CACNA2D3: variants seen among roughly 807,000 people sequenced by gnomAD.
CACNA2D3 encodes the protein calcium voltage-gated channel auxiliary subunit alpha2delta 3, also known as voltage-dependent calcium channel subunit alpha-2/delta-3.
Under a neutral mutation model 160.6 loss-of-function variants are expected in CACNA2D3, and 60 were observed. The ratio of observed to expected loss-of-function variants is 0.37; its 90% CI spans 0.30 to 0.46. The LOEUF (loss-of-function observed/expected upper bound fraction) is 0.46, where lower values mean the gene tolerates loss of function less well. CACNA2D3 is among the 20% of genes least tolerant of loss of function. CACNA2D3 has a pLI of 1.00. For missense variants in CACNA2D3, 1,205 were observed against 1,365.0 expected (o/e 0.88, Z 1.85); for synonymous variants, 558 against 492.9 (o/e 1.13, Z -1.75).
At chr3:54,464,978 G>T (rs1239966279) in intron 4 of CACNA2D3, among the ~76,000 whole-genome samples, 1 of 151,982 alleles carries the variant, frequency 6.6e-6, no homozygotes, top group Non-Finnish European at 1.5e-5. Flanking sequence ...TCCATAATGT[G>T]AACATTTGTT....
At chr3:54,575,949 G>T (rs1487984885) in intron 8 of CACNA2D3, among the ~76,000 whole-genome samples, 1 of 152,122 alleles carries the variant, frequency 6.6e-6, no homozygotes, top group Non-Finnish European at 1.5e-5. Flanking sequence ...GAGGCAAGTG[G>T]ATCCGGTGAG....
At chr3:54,217,818 A>G (rs60664455) in intron 2 of CACNA2D3, among the ~76,000 whole-genome samples, 19,175 of 151,994 alleles carry the variant, frequency 0.13, 1,714 homozygotes, top group East Asian at 0.44. Flanking sequence ...AGTTTGTGGT[A>G]GTTTGTTACA....
chr3:54,862,400 C>G (rs867619736), intron 17 of CACNA2D3, among the ~76,000 whole-genome samples: 1,660 of 151,878 alleles, frequency 0.011, 35 homozygotes, highest in African/African-American at 0.038. Flanking sequence ...CACACACACA[C>G]ACACGCACAC....
intron 27 of CACNA2D3, among the ~76,000 whole-genome samples, chr3:54,912,143 A>G (rs938239808): frequency 1.3e-5 from 2 of 152,206 alleles, no homozygotes; most frequent in Non-Finnish European, 2.9e-5. Flanking sequence ...TCCTTGCCAC[A>G]TAGGCTTCTC....
intron 2 of CACNA2D3, among the ~76,000 whole-genome samples, chr3:54,155,772 CACCAAACCTGTG>C (rs1200302369): frequency 6.6e-6 from 1 of 152,174 alleles, no homozygotes; most frequent in African/African-American, 2.4e-5. Context: ...CAGGTCCCAG[CACCAAACCTGTG>C]ACCGTGGGGC....
chr3:54,717,650 T>A (rs553098447), intron 11 of CACNA2D3, among the ~76,000 whole-genome samples: 101 of 145,368 alleles, frequency 6.9e-4, no homozygotes, highest in South Asian at 2.0e-3. Context: ...TGTGCGTGTC[T>A]GGTGCGTGTG....
intron 29 of CACNA2D3, among the ~76,000 whole-genome samples, chr3:54,982,846 T>C (rs532077613): frequency 2.0e-5 from 3 of 152,268 alleles, no homozygotes; most frequent in African/African-American, 7.2e-5. Flanking sequence ...AGTATAGCAG[T>C]GAAGACGACC....
chr3:54,886,039 C>T (rs1699917034), intron 23 of CACNA2D3, among the ~76,000 whole-genome samples: 1 of 152,130 alleles, frequency 6.6e-6, no homozygotes, highest in African/African-American at 2.4e-5. Context: ...GCTGAGTGCC[C>T]TGCCTACCAA....
chr3:54,864,911 G>A (rs554825860), intron 17 of CACNA2D3, among the ~76,000 whole-genome samples: 2 of 152,268 alleles, frequency 1.3e-5, no homozygotes, highest in African/African-American at 2.4e-5. Context: ...TGGGTGCTGC[G>A]TTTTCCCATC....
At chr3:54,461,609 A>T (rs937996072) in intron 4 of CACNA2D3, among the ~76,000 whole-genome samples, 1 of 151,526 alleles carries the variant, frequency 6.6e-6, no homozygotes, top group Non-Finnish European at 1.5e-5. Flanking sequence ...ATTTCTGTGG[A>T]ATCGGTGGTG....
At chr3:54,642,102 T>C (rs1325701101) in intron 10 of CACNA2D3, 26 bp from the exon 11 acceptor site, 1 of 1,455,542 alleles carries the variant, frequency 6.9e-7, no homozygotes, top group Admixed American at 1.8e-5. Context: ...ATATGTATAC[T>C]ATTTTGAACT....
At chr3:54,959,850 A>G (rs1196432962) in intron 27 of CACNA2D3, among the ~76,000 whole-genome samples, 1 of 152,200 alleles carries the variant, frequency 6.6e-6, no homozygotes, top group African/African-American at 2.4e-5. Flanking sequence ...TAGCTCCGGC[A>G]GCCTGGGAAA....
intron 31 of CACNA2D3, among the ~76,000 whole-genome samples, chr3:54,997,723 A>G (rs1332493429): frequency 6.6e-6 from 1 of 152,198 alleles, no homozygotes; most frequent in East Asian, 1.9e-4. Flanking sequence ...CCCCATCTCA[A>G]AAGAGAAAAG....
chr3:54,975,521 C>CAAAA (rs55819960), intron 29 of CACNA2D3, among the ~76,000 whole-genome samples: 1 of 77,776 alleles, frequency 1.3e-5, no homozygotes, highest in Non-Finnish European at 2.7e-5. Context: ...ACTTGGTCTC[C>CAAAA]AAAAAAAAAA....
intron 3 of CACNA2D3, among the ~76,000 whole-genome samples, chr3:54,360,963 T>C (rs1478201427): frequency 6.6e-6 from 1 of 151,748 alleles, no homozygotes; most frequent in Non-Finnish European, 1.5e-5. Flanking sequence ...GGTGTTAGAG[T>C]GTTTGAGAGT....
At chr3:54,807,600 G>A (rs1272907847) in intron 13 of CACNA2D3, among the ~76,000 whole-genome samples, 2 of 151,724 alleles carry the variant, frequency 1.3e-5, no homozygotes, top group African/African-American at 4.8e-5. Flanking sequence ...CTTTGACACT[G>A]TTGGTGGGAC....
intron 2 of CACNA2D3, among the ~76,000 whole-genome samples, chr3:54,218,146 C>A (rs1701497449): frequency 6.6e-6 from 1 of 152,192 alleles, no homozygotes. Flanking sequence ...CACGCTCCCA[C>A]TTTGTGGGAC....
intron 8 of CACNA2D3, among the ~76,000 whole-genome samples, chr3:54,581,063 A>G (rs77887511): frequency 1.5e-3 from 236 of 152,330 alleles, no homozygotes; most frequent in African/African-American, 5.5e-3. Context: ...TCATCTGCAC[A>G]GCAATGGGAG....
intron 11 of CACNA2D3, among the ~76,000 whole-genome samples, chr3:54,646,184 C>CTCCT (rs1438568531): frequency 1.3e-4 from 2 of 14,908 alleles, no homozygotes; most frequent in East Asian, 1.9e-3. Context: ...CCCTCCCTCC[C>CTCCT]TCCTTCCTTG....
Sources: allele counts gnomAD v4.1 joint callset (sites outside exome capture counted in the v4.1 genomes callset), GRCh38; gene constraint gnomAD v4.1.1; transcripts MANE v1.5; gene names NCBI Gene and HGNC (gene_info 2026-07-23, HGNC 2026-07-21).